SGCZ: variants seen among roughly 807,000 people sequenced by gnomAD.
SGCZ encodes sarcoglycan zeta, also known as zeta-sarcoglycan.
SGCZ carries 40 observed loss-of-function variants against 41.3 expected under a neutral mutation model. The observed-to-expected ratio is 0.97, with a 90% CI of 0.75 to 1.26. SGCZ has a LOEUF of 1.26. SGCZ is among the 50% of genes most tolerant of loss of function. The pLI, the probability that SGCZ is intolerant of heterozygous loss-of-function variation, is 0.00. For synonymous variants in SGCZ, 206 were observed against 137.5 expected, an observed-to-expected ratio of 1.50 and a Z score of -3.49; for missense variants, 552 against 369.8, an observed-to-expected ratio of 1.49 and a Z score of -4.04.
intron 1 of SGCZ, among the ~76,000 whole-genome samples, chr8:14,667,935 A>G (rs554177476): frequency 6.6e-6 from 1 of 152,288 alleles, no homozygotes; most frequent in Admixed American, 6.5e-5. Context: ...AATTTCAACC[A>G]TGATCCACCA....
At chr8:14,669,438 T>C (rs1010579763) in intron 1 of SGCZ, among the ~76,000 whole-genome samples, 3 of 151,984 alleles carry the variant, frequency 2.0e-5, no homozygotes, top group African/African-American at 7.3e-5. Context: ...TAATCTTGAA[T>C]AACTAAAAGT....
intron 1 of SGCZ, among the ~76,000 whole-genome samples, chr8:14,954,939 T>C (rs1206955216): frequency 6.6e-6 from 1 of 152,228 alleles, no homozygotes; most frequent in Admixed American, 6.5e-5. Flanking sequence ...ATTCAAGTTA[T>C]TGCTTTCCCA....
At chr8:15,054,319 T>A (rs983047076) in intron 1 of SGCZ, among the ~76,000 whole-genome samples, 2 of 152,222 alleles carry the variant, frequency 1.3e-5, no homozygotes, top group South Asian at 2.1e-4. Flanking sequence ...CAATACAGCT[T>A]CACCCATGTG....
chr8:15,134,839 T>C (rs1808048735), intron 1 of SGCZ, among the ~76,000 whole-genome samples: 1 of 152,156 alleles, frequency 6.6e-6, no homozygotes, highest in South Asian at 2.1e-4. Flanking sequence ...TGAGTATGCT[T>C]TTTTTTGATC....
chr8:14,416,361 G>A (rs1202493138), intron 2 of SGCZ, among the ~76,000 whole-genome samples: 2 of 151,830 alleles, frequency 1.3e-5, no homozygotes, highest in Non-Finnish European at 2.9e-5. Context: ...TGTCAATGTA[G>A]AAATTTTATA....
intron 3 of SGCZ, among the ~76,000 whole-genome samples, chr8:14,299,161 C>A (rs1277945777): frequency 6.6e-6 from 1 of 151,978 alleles, no homozygotes. Flanking sequence ...AAACCATGCA[C>A]ATCAACTAAA....
At chr8:14,327,159 A>G (rs1802150286) in intron 2 of SGCZ, among the ~76,000 whole-genome samples, 1 of 152,200 alleles carries the variant, frequency 6.6e-6, no homozygotes, top group Non-Finnish European at 1.5e-5. Context: ...TATGGCAATT[A>G]TAATATGAAG....
chr8:14,303,821 G>A (rs145976278), intron 3 of SGCZ, among the ~76,000 whole-genome samples: 1 of 151,792 alleles, frequency 6.6e-6, no homozygotes, highest in South Asian at 2.1e-4. Context: ...GCGCGATCTC[G>A]GCTCACTGCA....
chr8:14,966,120 T>G (rs1801118922), intron 1 of SGCZ, among the ~76,000 whole-genome samples: 1 of 151,848 alleles, frequency 6.6e-6, no homozygotes, highest in African/African-American at 2.4e-5. Context: ...AGAAAGGCTT[T>G]AGAATACAAA....
At position 14,788,766 on chromosome 8, in the gene SGCZ, A is replaced by G. The variant is rs1585261166; in HGVS notation, c.40-233840T>C. On this transcript the variant is annotated intron_variant, in intron 1 of 7. Coordinates refer to ENST00000382080, the MANE Select transcript of SGCZ (RefSeq NM_139167.4). ...TTGCTCCTGCAAGAAATAAAGCGCT[A>G]GCTTCCTGCCAGCCTCCCGTTAAAA... 2.0e-5 allele frequency among the ~76,000 whole-genome samples: 3 copies of G among 152,286 alleles called. No individual in the cohort carries two copies. In the East Asian group the frequency reaches 5.8e-4, roughly 29 times the overall value.
At chr8:15,093,732 G>T (rs933235075) in intron 1 of SGCZ, among the ~76,000 whole-genome samples, 1 of 152,150 alleles carries the variant, frequency 6.6e-6, no homozygotes, top group East Asian at 1.9e-4. Context: ...AAGGTTAATT[G>T]ATTTATGACG....
At chr8:14,950,120 C>T (rs1242809276) in intron 1 of SGCZ, among the ~76,000 whole-genome samples, 2 of 152,030 alleles carry the variant, frequency 1.3e-5, no homozygotes, top group African/African-American at 4.8e-5. Flanking sequence ...ACTATACTCT[C>T]TCCAGGGGTA....
intron 1 of SGCZ, among the ~76,000 whole-genome samples, chr8:15,231,246 TA>T (rs1801928882): frequency 6.6e-6 from 1 of 152,188 alleles, no homozygotes. Flanking sequence ...CCTCTATTTT[TA>T]AAGGTTTCAT....
At chr8:14,585,509 T>C (rs1805028171) in intron 1 of SGCZ, among the ~76,000 whole-genome samples, 1 of 152,132 alleles carries the variant, frequency 6.6e-6, no homozygotes, top group South Asian at 2.1e-4. Flanking sequence ...TCTCCAAAGG[T>C]TGCAATATTC....
At chr8:14,303,749 AAATATCT>A (rs1801265668) in intron 3 of SGCZ, among the ~76,000 whole-genome samples, 2 of 152,202 alleles carry the variant, frequency 1.3e-5, no homozygotes, top group East Asian at 3.9e-4. Context: ...TCAAAATATC[AAATATCT>A]ATCTACATAC....
At chr8:14,750,859 G>A (rs917602238) in intron 1 of SGCZ, among the ~76,000 whole-genome samples, 1 of 152,110 alleles carries the variant, frequency 6.6e-6, no homozygotes, top group Admixed American at 6.6e-5. Flanking sequence ...TTTGGTAACT[G>A]AATTCTCCTT....
intron 1 of SGCZ, among the ~76,000 whole-genome samples, chr8:14,909,310 T>C (rs1799212237): frequency 6.6e-6 from 1 of 152,310 alleles, no homozygotes; most frequent in South Asian, 2.1e-4. Flanking sequence ...CCTGGCCAAA[T>C]ACATCCCTTT....
intron 1 of SGCZ, among the ~76,000 whole-genome samples, chr8:14,744,197 A>T (rs1799279138): frequency 6.6e-6 from 1 of 152,192 alleles, no homozygotes; most frequent in South Asian, 2.1e-4. Context: ...GAGCAGAGAT[A>T]AAGAAACAGA....
At chr8:14,542,800 TA>T (rs1372096432) in intron 2 of SGCZ, among the ~76,000 whole-genome samples, 8 of 151,722 alleles carry the variant, frequency 5.3e-5, no homozygotes, top group Non-Finnish European at 5.9e-5. Context: ...TTTCATATTT[TA>T]AAAAAAAATC....
Sources: allele counts gnomAD v4.1 joint callset (sites outside exome capture counted in the v4.1 genomes callset), GRCh38; gene constraint gnomAD v4.1.1; transcripts MANE v1.5; gene names NCBI Gene and HGNC (gene_info 2026-07-23, HGNC 2026-07-21).